Variants in GALNT13 observed in about 807,000 individuals in gnomAD.
The protein encoded by GALNT13 is polypeptide N-acetylgalactosaminyltransferase 13, also known as UDP-GalNAc:polypeptide N-acetylgalactosaminyltransferase 13.
In GALNT13, 28 loss-of-function variants were observed where a neutral mutation model predicts 64.2. The ratio of observed to expected loss-of-function variants is 0.44; its 90% CI spans 0.32 to 0.60. The LOEUF (loss-of-function observed/expected upper bound fraction) is 0.60, where lower values mean the gene tolerates loss of function less well. GALNT13 is among the 20% of genes least tolerant of loss of function. GALNT13 has a pLI of 0.05. For synonymous variants in GALNT13, 214 were observed against 224.6 expected (o/e 0.95, Z 0.42); for missense variants, 577 against 669.8 (o/e 0.86, Z 1.53).
chr2:153,227,455 T>C, the GALNT13 span, among the ~76,000 whole-genome samples: 1 of 152,040 alleles, frequency 6.6e-6, no homozygotes, highest in African/African-American at 2.4e-5. Flanking sequence ...GAGGAACCAG[T>C]AGGTTTAGAT....
the GALNT13 span, among the ~76,000 whole-genome samples, chr2:153,169,927 A>G: frequency 6.6e-6 from 1 of 152,212 alleles, no homozygotes; most frequent in African/African-American, 2.4e-5. Flanking sequence ...TGTACCTAGA[A>G]AAGAATTTAT....
At chr2:153,317,023 C>A in the GALNT13 span, among the ~76,000 whole-genome samples, 2 of 152,138 alleles carry the variant, frequency 1.3e-5, no homozygotes, top group South Asian at 4.1e-4. Flanking sequence ...AAGATAGGTA[C>A]AAATAAATGT....
At chr2:154,400,788 A>G (rs1699266214) in intron 10 of GALNT13, among the ~76,000 whole-genome samples, 1 of 152,154 alleles carries the variant, frequency 6.6e-6, no homozygotes, top group Admixed American at 6.6e-5. Context: ...TGCAGCATTA[A>G]ATTCTCTCTT....
chr2:154,153,019 G>A (rs1451733489), intron 4 of GALNT13, among the ~76,000 whole-genome samples: 2 of 152,236 alleles, frequency 1.3e-5, no homozygotes, highest in Admixed American at 6.5e-5. Context: ...GCTTTTTAGA[G>A]TTTCCAGTTT....
chr2:154,359,557 G>A lies in GALNT13; in HGVS notation c.1157-36434G>A, dbSNP rs369869385. Among the ~76,000 whole-genome samples, 13 of 152,170 alleles carry A rather than the reference G, an allele frequency of 8.5e-5. No individual in the cohort carries two copies. In the East Asian group the frequency reaches 1.5e-3, roughly 18 times the overall value. On this transcript the variant is annotated intron_variant, in intron 9 of 12. Transcript: ENST00000392825. The stretch of plus-strand genomic sequence containing the variant: ...AAAACGAGGCAAAGGTGAGACTTAC[G>A]GTCATCTCTTACCTTCCTGGTAAAA...
chr2:153,848,234 C>T, the GALNT13 span, among the ~76,000 whole-genome samples: 1 of 152,106 alleles, frequency 6.6e-6, no homozygotes, highest in Non-Finnish European at 1.5e-5. Context: ...ATATTGGTGA[C>T]GCAGTTTTAG....
chr2:153,492,775 CA>C, the GALNT13 span, among the ~76,000 whole-genome samples: 15,172 of 152,134 alleles, frequency 0.1, 801 homozygotes, highest in South Asian at 0.16. Flanking sequence ...ATACATTCAC[CA>C]ATATAATACA....
chr2:153,657,286 G>A, the GALNT13 span, among the ~76,000 whole-genome samples: 1 of 152,044 alleles, frequency 6.6e-6, no homozygotes, highest in South Asian at 2.1e-4. Context: ...TTTTTGAATG[G>A]GAGAGTTAGA....
chr2:153,509,721 C>A, the GALNT13 span, among the ~76,000 whole-genome samples: 1 of 152,184 alleles, frequency 6.6e-6, no homozygotes, highest in Non-Finnish European at 1.5e-5. Context: ...TCACTAATTA[C>A]AACTACTTTC....
At chr2:153,745,180 A>C in the GALNT13 span, among the ~76,000 whole-genome samples, 1 of 152,154 alleles carries the variant, frequency 6.6e-6, no homozygotes, top group African/African-American at 2.4e-5. Context: ...GATCACTCAA[A>C]ACAGAAACCC....
chr2:153,133,108 G>T, the GALNT13 span, among the ~76,000 whole-genome samples: 1 of 151,390 alleles, frequency 6.6e-6, no homozygotes, highest in African/African-American at 2.4e-5. Flanking sequence ...ATCACTGAAG[G>T]ATTGGAGTAA....
intron 3 of GALNT13, among the ~76,000 whole-genome samples, chr2:154,019,502 C>T (rs182298003): frequency 1.8e-4 from 27 of 151,328 alleles, no homozygotes; most frequent in East Asian, 1.4e-3. Context: ...GGTGTGGTGA[C>T]GCACACCTGA....
At chr2:153,747,432 T>TTG in the GALNT13 span, among the ~76,000 whole-genome samples, 1 of 142,284 alleles carries the variant, frequency 7.0e-6, no homozygotes, top group African/African-American at 2.7e-5. Flanking sequence ...GTTTTTTTTT[T>TTG]TTTTTTTTTT....
At chr2:153,472,416 C>T in the GALNT13 span, among the ~76,000 whole-genome samples, 1 of 152,064 alleles carries the variant, frequency 6.6e-6, no homozygotes, top group Non-Finnish European at 1.5e-5. Flanking sequence ...AGAGTATATA[C>T]CTTCCCTTAC....
the GALNT13 span, among the ~76,000 whole-genome samples, chr2:153,299,437 C>CT: frequency 6.6e-6 from 1 of 152,126 alleles, no homozygotes; most frequent in Non-Finnish European, 1.5e-5. Flanking sequence ...TACTAAAGGG[C>CT]TAGCAATAAT....
the GALNT13 span, among the ~76,000 whole-genome samples, chr2:153,234,643 A>G: frequency 6.6e-6 from 1 of 152,112 alleles, no homozygotes; most frequent in Non-Finnish European, 1.5e-5. Context: ...CTACATAAGG[A>G]TATTTTTTCA....
the GALNT13 span, among the ~76,000 whole-genome samples, chr2:153,719,388 TTGA>T: frequency 1.3e-5 from 2 of 152,174 alleles, no homozygotes; most frequent in African/African-American, 2.4e-5. Flanking sequence ...CAATTTGTAA[TTGA>T]TGATTAGGTA....
At chr2:153,087,185 A>C in the GALNT13 span, among the ~76,000 whole-genome samples, 1 of 152,174 alleles carries the variant, frequency 6.6e-6, no homozygotes, top group Non-Finnish European at 1.5e-5. Context: ...GGTTTTAATC[A>C]TAAAGTCGTG....
At chr2:153,376,427 A>G in the GALNT13 span, among the ~76,000 whole-genome samples, 1 of 152,276 alleles carries the variant, frequency 6.6e-6, no homozygotes, top group East Asian at 1.9e-4. Flanking sequence ...AAAACAATGG[A>G]AGCAACTGCA....
Sources: allele counts gnomAD v4.1 joint callset (sites outside exome capture counted in the v4.1 genomes callset), GRCh38; gene constraint gnomAD v4.1.1; transcripts MANE v1.5; gene names NCBI Gene and HGNC (gene_info 2026-07-23, HGNC 2026-07-21).